KCNJ16: variants seen among roughly 807,000 people sequenced by gnomAD.
KCNJ16 encodes potassium inwardly rectifying channel subfamily J member 16.
In KCNJ16, 15 loss-of-function variants were observed where a neutral mutation model predicts 18.5. The ratio of observed to expected loss-of-function variants is 0.81; its 90% CI spans 0.54 to 1.25. KCNJ16 has a LOEUF of 1.25. KCNJ16 is among the 50% of genes most tolerant of loss of function. The pLI is 0.00. For synonymous variants in KCNJ16, 174 were observed against 186.5 expected (o/e 0.93, Z 0.55); for missense variants, 523 against 525.7 (o/e 0.99, Z 0.05).
rs1162319019 is a variant in KCNJ16 at position 70,086,090 on chromosome 17, CTTTAG to C, written c.-300+10705_-300+10709del. Among the ~76,000 whole-genome samples the C allele has an allele frequency of 9.2e-5, 14 of 152,104 alleles. No individual in the cohort carries two copies. The East Asian group carries it at 2.3e-3, about 25-fold the overall frequency. ...GAGCCCAATAGGCCTCGACAGGTTTCTTTAGTTTAAAAAGTCTTTACTTAATTAAT... is the reference window on the plus strand; with the variant it reads ...GAGCCCAATAGGCCTCGACAGGTTTCTTTAAAAAGTCTTTACTTAATTAAT... On this transcript the variant is annotated intron_variant, in intron 1 of 3. Transcript: ENST00000392671.
chr17:70,089,103 A>T (rs1269300954), intron 1 of KCNJ16, among the ~76,000 whole-genome samples: 2 of 152,210 alleles, frequency 1.3e-5, no homozygotes, highest in Non-Finnish European at 2.9e-5. Context: ...TATGTAACAC[A>T]GGAATACAAA....
intron 2 of KCNJ16, among the ~76,000 whole-genome samples, chr17:70,123,753 A>T (rs1335710647): frequency 6.6e-6 from 1 of 152,196 alleles, no homozygotes; most frequent in South Asian, 2.1e-4. Context: ...TTTGATCTTC[A>T]TATTCCTGCC....
At chr17:70,096,901 A>C in intron 1 of KCNJ16, 1 of 398,384 alleles carries the variant, frequency 2.5e-6, no homozygotes. Flanking sequence ...TACATTTAAA[A>C]TATGATACTT....
At chr17:70,124,484 A>G (rs1419982228) in intron 2 of KCNJ16, among the ~76,000 whole-genome samples, 3 of 152,342 alleles carry the variant, frequency 2.0e-5, no homozygotes, top group Non-Finnish European at 4.4e-5. Context: ...ACTACTCCCA[A>G]GGGGAATGTA....
intron 1 of KCNJ16, among the ~76,000 whole-genome samples, chr17:70,091,271 A>C (rs927815393): frequency 3.9e-5 from 6 of 152,174 alleles, no homozygotes; most frequent in African/African-American, 1.2e-4. Context: ...GTTAACTAAA[A>C]TAAAATTGAA....
chr17:70,122,264 G>A (rs992043957), intron 2 of KCNJ16, among the ~76,000 whole-genome samples: 4 of 151,392 alleles, frequency 2.6e-5, no homozygotes, highest in Admixed American at 2.0e-4. Flanking sequence ...GCTCCACCTC[G>A]CAGGTTCACA....
At chr17:70,114,855 T>C (rs940331353) in intron 2 of KCNJ16, among the ~76,000 whole-genome samples, 2 of 152,182 alleles carry the variant, frequency 1.3e-5, no homozygotes, top group Middle Eastern at 3.2e-3. Flanking sequence ...TAATTCCACT[T>C]TCCATTCGTT....
rs530338528 is a variant in KCNJ16, at chr17:70,117,544, T to A, written c.-190-13335T>A. Among the ~76,000 whole-genome samples, 3 of 152,300 alleles carry A rather than the reference T, an allele frequency of 2.0e-5. No individual in the cohort carries two copies. The South Asian group carries it at 6.2e-4, about 32-fold the overall frequency. On this transcript the variant is annotated intron_variant, in intron 2 of 3. Transcript: ENST00000392671. ...ATAAAAACAAGTAGTATCACCTTTG[T>A]GTTTTCTGTTTATAAGCTGGTATCT...
In KCNJ16 at chr17:70,127,196, G is replaced by C. The variant is rs78613002; in HGVS notation, c.-190-3683G>C. Among the ~76,000 whole-genome samples, 1,383 of 152,292 alleles carry C rather than the reference G, an allele frequency of 9.1e-3. 22 individuals are homozygous for C. The highest frequency in any genetic ancestry group is 0.032 in the African/African-American group (1,319 of 41,546). On this transcript the variant is annotated intron_variant, in intron 2 of 3. Coordinates refer to ENST00000392671, the MANE Select transcript of KCNJ16 (RefSeq NM_170741.4). Reference sequence around the variant, plus strand: ...GCTGAGAGGGAGAAGAGATCAGAAAGGGAAGAAAAGGTGTAGGACACCCTG... The same window carrying C: ...GCTGAGAGGGAGAAGAGATCAGAAACGGAAGAAAAGGTGTAGGACACCCTG...
intron 1 of KCNJ16, among the ~76,000 whole-genome samples, chr17:70,088,363 C>T (rs552420708): frequency 6.6e-6 from 1 of 152,194 alleles, no homozygotes; most frequent in Non-Finnish European, 1.5e-5. Context: ...CTAATGCTGC[C>T]GCTGATCCAG....
Position 70,133,789 on chromosome 17 carries a change from CAAAAGATGCATTCAGTAAGCTGT to C in KCNJ16, c.*448_*470del. On this transcript the variant is annotated 3_prime_UTR_variant, in exon 4 of 4. Coordinates refer to ENST00000392671, the MANE Select transcript of KCNJ16 (RefSeq NM_170741.4). ...AAGTATCATATCTAACCAAGATATG[CAAAAGATGCATTCAGTAAGCTGT>C]AACGTTGAGAAATGTAACTGTGAAA... The C allele has an allele frequency of 5.9e-6, 1 of 170,410 alleles. No homozygotes were observed. Among genetic ancestry groups the C allele is most frequent in the Non-Finnish European group, 1.4e-5 (1 of 70,226 alleles). 10.6% of individuals were successfully genotyped at this position (170,410 alleles called of 1,614,324 possible).
chr17:70,132,191 G>T lies in KCNJ16; in HGVS notation c.104G>T (p.Arg35Leu). ...GCTGAGAAGAGAAGAGCAAGAAGAC[G>T]ATTACTTCACAAAGATGGCAGCTGT... is the stretch of plus-strand genomic sequence containing the variant. Reference protein sequence around the residue: ...IIAEKRRARRRLLHKDGSCNV... With the variant: ...IIAEKRRARRLLLHKDGSCNV... The change falls in exon 4 of 4, where the codon CGA becomes CTA. Residue 35 changes from arginine to leucine, a missense_variant. Transcript: ENST00000392671. The T allele has an allele frequency of 6.2e-7, 1 of 1,614,210 alleles. No homozygotes were observed. The highest frequency in any genetic ancestry group is 8.5e-7 in the Non-Finnish European group (1 of 1,180,032).
chr17:70,089,149 A>G (rs530641686), intron 1 of KCNJ16, among the ~76,000 whole-genome samples: 2 of 152,228 alleles, frequency 1.3e-5, no homozygotes, highest in African/African-American at 2.4e-5. Context: ...TCTGATCCCT[A>G]TATGTCCTCT....
Position 70,135,158 on chromosome 17 carries a change from G to T in KCNJ16, c.*1814G>T, listed in dbSNP as rs2074183738. ...AGCTTAATATTAGAGACCCAAGTAA[G>T]ATTGTTTTTAGTCTTGCTTGAGGAA... On this transcript the variant is annotated 3_prime_UTR_variant, in exon 4 of 4. Transcript: ENST00000392671. The T allele has an allele frequency of 6.0e-6, 1 of 166,636 alleles. No individual in the cohort carries two copies. The highest frequency in any genetic ancestry group is 1.5e-5 in the Non-Finnish European group (1 of 68,078). 10.3% of individuals were successfully genotyped at this position (166,636 alleles called of 1,614,324 possible).
intron 2 of KCNJ16, among the ~76,000 whole-genome samples, chr17:70,121,064 G>C (rs2073618281): frequency 6.6e-6 from 1 of 152,202 alleles, no homozygotes; most frequent in African/African-American, 2.4e-5. Flanking sequence ...CTGTGACAAA[G>C]TTTGTCTGGG....
chr17:70,124,439 TGAAAA>T (rs1231104652), intron 2 of KCNJ16, among the ~76,000 whole-genome samples: 1 of 152,110 alleles, frequency 6.6e-6, no homozygotes, highest in Non-Finnish European at 1.5e-5. Flanking sequence ...AAAAACTGAA[TGAAAA>T]GAAAACAAGA....
intron 1 of KCNJ16, among the ~76,000 whole-genome samples, chr17:70,090,112 G>C (rs1413753504): frequency 6.6e-6 from 1 of 152,192 alleles, no homozygotes; most frequent in Non-Finnish European, 1.5e-5. Flanking sequence ...AATTGTGCTG[G>C]TAAAACAGGG....
At chr17:70,121,096 C>A (rs1226701867) in intron 2 of KCNJ16, among the ~76,000 whole-genome samples, 2 of 152,082 alleles carry the variant, frequency 1.3e-5, no homozygotes, top group East Asian at 3.9e-4. Context: ...CTTCCACTTA[C>A]CCCTTCTGGG....
At position 70,083,214 on chromosome 17, in the gene KCNJ16, A is replaced by G. The variant is rs1036000907; in HGVS notation, c.-300+7824A>G. On this transcript the variant is annotated intron_variant, in intron 1 of 3. Transcript: ENST00000392671. ...GGATTATATATATTATATATATATA[A>G]TATGTAAAGAGATATATATTATAAT... Among the ~76,000 whole-genome samples, 7 of 148,534 alleles carry G rather than the reference A, an allele frequency of 4.7e-5. No individual in the cohort carries two copies. The South Asian group carries it at 8.4e-4, about 18-fold the overall frequency.
Sources: gnomAD v4.1 joint callset for allele counts (sites outside exome capture counted in the v4.1 genomes callset) on GRCh38, gnomAD v4.1.1 for gene constraint, MANE v1.5 for transcripts, NCBI Gene and HGNC (gene_info 2026-07-23, HGNC 2026-07-21) for gene names.